Variants in DOCK9 observed in about 807,000 individuals in gnomAD.
DOCK9 encodes the protein dedicator of cytokinesis 9.
In DOCK9, 89 loss-of-function variants were observed where a neutral mutation model predicts 263.3. The observed-to-expected ratio is 0.34, with a 90% CI of 0.28 to 0.40. The LOEUF (loss-of-function observed/expected upper bound fraction) is 0.40, where lower values mean the gene tolerates loss of function less well. Ranked by LOEUF, DOCK9 falls within the 10% of genes least tolerant of loss-of-function variation. The pLI, the probability that DOCK9 is intolerant of heterozygous loss-of-function variation, is 1.00. For synonymous variants in DOCK9, 976 were observed against 973.1 expected, an observed-to-expected ratio of 1.00 and a Z score of -0.06; for missense variants, 2,140 against 2,603.4, an observed-to-expected ratio of 0.82 and a Z score of 3.87.
At chr13:98,883,735 G>A (rs1040686791) in intron 22 of DOCK9, 78 bp downstream of exon 22, 1 of 872,136 alleles carries the variant, frequency 1.1e-6, no homozygotes, top group Non-Finnish European at 1.8e-6. Flanking sequence ...TAACACATTA[G>A]GATTTTTTTC....
intron 27 of DOCK9, among the ~76,000 whole-genome samples, chr13:98,876,687 T>A (rs973995149): frequency 1.3e-5 from 2 of 152,024 alleles, no homozygotes; most frequent in Non-Finnish European, 2.9e-5. Context: ...AACAGAAAAC[T>A]CATTACTCTT....
At chr13:98,899,287 A>C (rs1371628970) in intron 13 of DOCK9, among the ~76,000 whole-genome samples, 8 of 152,150 alleles carry the variant, frequency 5.3e-5, no homozygotes, top group African/African-American at 1.9e-4. Flanking sequence ...ATCCAGAAGG[A>C]TCTAGATGAC....
chr13:98,921,076 G>T lies in DOCK9; in HGVS notation c.595C>A (p.Arg199=), dbSNP rs766883642. 6.2e-6 allele frequency: 10 copies of T among 1,600,176 alleles called. No individual in the cohort carries two copies. The highest frequency in any genetic ancestry group is 5.2e-5 in the Admixed American group (3 of 58,062). ...CCAAGTTGAATCAGGTGGAAAAATC[G>T]TCTCTTAAATGACTGAGAGAAAAAT... ...ISVTMRSFKR[R]FFHLIQLGDG... The change falls in exon 7 of 53, where the codon CGA becomes AGA. Residue 199 remains arginine, a synonymous_variant. Transcript: ENST00000682017.
chr13:98,877,482 C>T (rs2044050808), intron 27 of DOCK9, among the ~76,000 whole-genome samples: 1 of 152,162 alleles, frequency 6.6e-6, no homozygotes, highest in African/African-American at 2.4e-5. Flanking sequence ...AGTCATAAGG[C>T]AGAAAAGCCT....
chr13:98,978,067 G>C, upstream of DOCK9: 1 of 1,422,304 alleles, frequency 7.0e-7, no homozygotes. Context: ...CAGAGCCTGT[G>C]GGGTGGGAAG....
chr13:98,915,655 C>A (rs1595275769), intron 7 of DOCK9, among the ~76,000 whole-genome samples, 152 bp from the exon 8 acceptor site: 2 of 150,660 alleles, frequency 1.3e-5, no homozygotes, highest in Non-Finnish European at 3.0e-5. Context: ...AGCCCCCCCC[C>A]ATGAAATCCC....
intron 43 of DOCK9, among the ~76,000 whole-genome samples, chr13:98,828,400 A>T (rs757168020): frequency 1.3e-5 from 2 of 152,230 alleles, no homozygotes; most frequent in Non-Finnish European, 2.9e-5. Context: ...ATGATAGAAA[A>T]GTTACTTCTC....
chr13:98,874,337 A>G (rs1030268065), intron 27 of DOCK9, among the ~76,000 whole-genome samples: 2 of 152,208 alleles, frequency 1.3e-5, no homozygotes, highest in African/African-American at 4.8e-5. Flanking sequence ...CCATTTTATT[A>G]CTAAGTAGCA....
At chr13:99,060,405 C>G (rs2041135578) in intron 1 of DOCK9, among the ~76,000 whole-genome samples, 1 of 152,074 alleles carries the variant, frequency 6.6e-6, no homozygotes, top group African/African-American at 2.4e-5. Flanking sequence ...GGCTATTATC[C>G]ATAATACTAC....
At position 98,800,348 on chromosome 13, in the gene DOCK9, G is replaced by C. The variant is rs1394793737; in HGVS notation, c.5856C>G (p.Ser1952=). ...KKVAELRQLC[S]SAEVDMIKLQ... ...GTTTGATCATGTCCACCTCGGCCGA[G>C]GAGCACAGCTGCCGGAGCTCCGCCA... The change falls in exon 50 of 53, where the codon TCC becomes TCG. Residue 1952 remains serine (S), a synonymous_variant. Transcript: ENST00000682017. 6.2e-7 allele frequency: 1 copy of C among 1,613,182 alleles called. No individual in the cohort carries two copies.
At chr13:99,024,439 T>C (rs1444715328) in intron 1 of DOCK9, among the ~76,000 whole-genome samples, 1 of 152,212 alleles carries the variant, frequency 6.6e-6, no homozygotes, top group African/African-American at 2.4e-5. Flanking sequence ...ATAAAAGAGA[T>C]ATAAAGTATA....
chr13:98,930,090 A>C (rs1349857301), intron 3 of DOCK9, 78 bp downstream of exon 3: 2 of 1,314,126 alleles, frequency 1.5e-6, no homozygotes, highest in African/African-American at 1.5e-5. Context: ...TTCCTTGACA[A>C]TTTTGAAATT....
At chr13:98,848,983 A>G (rs1346365008) in intron 36 of DOCK9, among the ~76,000 whole-genome samples, 1 of 152,192 alleles carries the variant, frequency 6.6e-6, no homozygotes, top group Non-Finnish European at 1.5e-5. Context: ...CATGTTCAAG[A>G]CCATGCACAC....
intron 38 of DOCK9, among the ~76,000 whole-genome samples, chr13:98,840,219 A>C (rs576598969): frequency 6.6e-6 from 1 of 152,338 alleles, no homozygotes; most frequent in Non-Finnish European, 1.5e-5. Context: ...ATTTAAACTA[A>C]GGGTTGGCAA....
chr13:98,850,778 C>G (rs1360079813), intron 35 of DOCK9, among the ~76,000 whole-genome samples: 1 of 152,194 alleles, frequency 6.6e-6, no homozygotes, highest in African/African-American at 2.4e-5. Flanking sequence ...AGCGAAACAG[C>G]TGTACCCAAT....
chr13:98,876,447 C>T (rs544241483), intron 27 of DOCK9, among the ~76,000 whole-genome samples: 27 of 152,202 alleles, frequency 1.8e-4, no homozygotes, highest in East Asian at 1.9e-4. Flanking sequence ...GCCCAGATTG[C>T]GTCACAGCAC....
At chr13:98,857,665 C>G (rs990046619) in intron 33 of DOCK9, 33 of 152,168 alleles carry the variant, frequency 2.2e-4, no homozygotes, top group African/African-American at 7.7e-4. Flanking sequence ...GTTGAACACT[C>G]AGATTTATTC....
In DOCK9 at chr13:98,903,614, AAAAAAGAC is replaced by A. The variant is rs1349747223; in HGVS notation, c.1036-510_1036-503del. ...GACTCTGCCTCAAAAAAAAAAAAAAAAAAAAGACAAAAAAAAAAAGACATGATGGTATA... is the reference window on the plus strand; with the variant it reads ...GACTCTGCCTCAAAAAAAAAAAAAAAAAAAAAAAAAAGACATGATGGTATA... On this transcript the variant is annotated intron_variant, in intron 10 of 52. Transcript: ENST00000682017. 5.9e-5 allele frequency among the ~76,000 whole-genome samples: 5 copies of A among 85,230 alleles called. 1 individual carries two copies. Among genetic ancestry groups the A allele is most frequent in the Non-Finnish European group, 2.8e-5 (1 of 35,498 alleles). The allele number at this position is 85,230 out of a possible 152,430, so 55.9% of individuals were successfully genotyped here.
rs145955469 is a variant in DOCK9 at position 98,983,579 on chromosome 13, A to T, written c.130-28028T>A. 4.5e-3 allele frequency among the ~76,000 whole-genome samples: 691 copies of T among 151,950 alleles called. 4 individuals are homozygous for T. Among genetic ancestry groups the T allele is most frequent in the Middle Eastern group, 0.037 (11 of 294 alleles). ...GAAGAGTTAATATAGGAAAAGATAC[A>T]TCTGATATAAAGTCTCATGCCCTCC... is the stretch of plus-strand genomic sequence containing the variant. On this transcript the variant is annotated intron_variant, in intron 1 of 32. Transcript: ENST00000427887.
Sources: gnomAD v4.1 joint callset for allele counts (sites outside exome capture counted in the v4.1 genomes callset) on GRCh38, gnomAD v4.1.1 for gene constraint, MANE v1.5 for transcripts, NCBI Gene and HGNC (gene_info 2026-07-23, HGNC 2026-07-21) for gene names.